The following NTM variants were observed in gnomAD, a reference collection of about 807,000 sequenced individuals.
NTM encodes IgLON family member 2.
NTM carries 13 observed loss-of-function variants against 42.1 expected under a neutral mutation model. The ratio of observed to expected loss-of-function variants is 0.31; its 90% CI spans 0.20 to 0.49. The LOEUF (loss-of-function observed/expected upper bound fraction) is 0.49. NTM is among the 20% of genes least tolerant of loss of function. NTM has a pLI of 0.99. For synonymous variants in NTM, 187 were observed against 179.2 expected, an observed-to-expected ratio of 1.04 and a Z score of -0.35; for missense variants, 373 against 452.8, an observed-to-expected ratio of 0.82 and a Z score of 1.60.
intron 1 of NTM, among the ~76,000 whole-genome samples, chr11:131,763,671 T>C (rs1406745570): frequency 6.7e-6 from 1 of 149,646 alleles, no homozygotes; most frequent in Non-Finnish European, 1.5e-5. Flanking sequence ...CCCAGGCCCA[T>C]GCTGCTCTGC....
chr11:132,126,555 G>A (rs2065875148), intron 2 of NTM, among the ~76,000 whole-genome samples: 1 of 152,186 alleles, frequency 6.6e-6, no homozygotes, highest in African/African-American at 2.4e-5. Context: ...CAGGAGGAGG[G>A]GGAGGAAGCA....
intron 4 of NTM, among the ~76,000 whole-genome samples, chr11:132,234,003 A>C (rs536950913): frequency 6.6e-6 from 1 of 151,912 alleles, no homozygotes; most frequent in African/African-American, 2.4e-5. Flanking sequence ...CTTATTTTCA[A>C]CCTCAGCTAC....
chr11:132,291,873 C>T (rs540139853), intron 4 of NTM, among the ~76,000 whole-genome samples: 3 of 152,070 alleles, frequency 2.0e-5, no homozygotes, highest in Non-Finnish European at 2.9e-5. Context: ...TGGGTAGGTT[C>T]GGTGGAGAGG....
intron 1 of NTM, among the ~76,000 whole-genome samples, chr11:131,812,586 C>T (rs900749730): frequency 6.6e-6 from 1 of 151,850 alleles, no homozygotes; most frequent in Non-Finnish European, 1.5e-5. Flanking sequence ...CTAGGGATGC[C>T]GAGAAGGAAA....
chr11:131,846,685 T>C (rs1254862027), intron 1 of NTM, among the ~76,000 whole-genome samples: 1 of 152,114 alleles, frequency 6.6e-6, no homozygotes, highest in East Asian at 1.9e-4. Context: ...ATAGTACATA[T>C]TCCATGTGTA....
chr11:132,221,985 C>T (rs1164914450), intron 4 of NTM, among the ~76,000 whole-genome samples: 3 of 152,184 alleles, frequency 2.0e-5, no homozygotes, highest in Non-Finnish European at 2.9e-5. Context: ...TTCATCCCAC[C>T]TACCAGCTTG....
At chr11:132,199,434 A>G (rs2080815066) in intron 3 of NTM, among the ~76,000 whole-genome samples, 1 of 152,202 alleles carries the variant, frequency 6.6e-6, no homozygotes. Context: ...TGATGTGCAG[A>G]GATAAATGAA....
intron 1 of NTM, among the ~76,000 whole-genome samples, chr11:131,500,569 ATATATATATTTTTTTTT>A (rs1230099901): frequency 0.043 from 2,510 of 58,068 alleles, 97 homozygotes; most frequent in African/African-American, 0.18. Flanking sequence ...ATATATATAT[ATATATATATTTTTTTTT>A]TTTTTTTTTG....
chr11:131,642,493 A>C (rs2065260173), intron 1 of NTM, among the ~76,000 whole-genome samples: 1 of 152,156 alleles, frequency 6.6e-6, no homozygotes, highest in Non-Finnish European at 1.5e-5. Flanking sequence ...TAAGTTAAAC[A>C]CCCATCTGCT....
At chr11:131,880,395 A>G (rs961070452) in intron 1 of NTM, among the ~76,000 whole-genome samples, 11 of 152,216 alleles carry the variant, frequency 7.2e-5, no homozygotes, top group African/African-American at 2.7e-4. Context: ...CAGGCTATAA[A>G]TACCTTCAAG....
At chr11:131,421,725 G>T (rs915538381) in intron 1 of NTM, among the ~76,000 whole-genome samples, 1 of 152,216 alleles carries the variant, frequency 6.6e-6, no homozygotes. Context: ...AGCAACTGCT[G>T]ACTAACCTAC....
At position 132,303,180 on chromosome 11, in the gene NTM, G is replaced by A. The variant is rs182453770; in HGVS notation, c.527-4509G>A. ...CAAGAGTTAGGAGACAAAAGGGAAT[G>A]TATTAGTGTCCCAGGACTACTGTGA... On this transcript the variant is annotated intron_variant, in intron 4 of 8. Coordinates refer to ENST00000683400, the MANE Select transcript of NTM (RefSeq NM_001352005.2). Among the ~76,000 whole-genome samples the A allele has an allele frequency of 6.0e-4, 92 of 152,368 alleles. 2 individuals are homozygous for A. Among genetic ancestry groups the A allele is most frequent in the Non-Finnish European group, 1.0e-4 (7 of 68,036 alleles).
chr11:131,886,839 G>A (rs75904163), intron 1 of NTM, among the ~76,000 whole-genome samples: 2,487 of 152,338 alleles, frequency 0.016, 76 homozygotes, highest in African/African-American at 0.056. Context: ...GGGCTTGCTG[G>A]TCTTTATCTG....
At chr11:131,488,969 T>C (rs1954481162) in intron 1 of NTM, among the ~76,000 whole-genome samples, 1 of 152,142 alleles carries the variant, frequency 6.6e-6, no homozygotes, top group Non-Finnish European at 1.5e-5. Context: ...AATTCTAAAA[T>C]CCAGGAAGGC....
chr11:131,506,022 T>C (rs1253153481), intron 1 of NTM, among the ~76,000 whole-genome samples: 1 of 152,196 alleles, frequency 6.6e-6, no homozygotes. Context: ...TTGGTGTTTC[T>C]GTCTGATGTC....
intron 1 of NTM, among the ~76,000 whole-genome samples, chr11:131,735,205 T>A (rs192067210): frequency 6.3e-4 from 96 of 152,342 alleles, no homozygotes; most frequent in African/African-American, 2.2e-3. Context: ...ATTTCTCCTC[T>A]GGCTAGATGT....
rs777665250 is a variant in NTM at position 131,876,393 on chromosome 11, ACT to A, written c.83-35166_83-35165del. 5.9e-5 allele frequency among the ~76,000 whole-genome samples: 9 copies of A among 151,920 alleles called. No individual in the cohort carries two copies. The East Asian group carries it at 1.2e-3, about 20-fold the overall frequency. ...TCCACTCATCTCCCACCACATTCAG[ACT>A]CTCTGGCTAGTGGATTATCCATAAC... On this transcript the variant is annotated intron_variant, in intron 1 of 8. Coordinates refer to ENST00000683400, the MANE Select transcript of NTM (RefSeq NM_001352005.2).
chr11:131,412,428 A>G (rs1233164635), intron 1 of NTM, among the ~76,000 whole-genome samples: 1 of 152,206 alleles, frequency 6.6e-6, no homozygotes, highest in Non-Finnish European at 1.5e-5. Context: ...GTTGTTTATC[A>G]TGTGTTTTCA....
Position 132,071,415 on chromosome 11 carries a change from G to A in NTM, c.168-74867G>A, listed in dbSNP as rs988224687. 6.6e-5 allele frequency among the ~76,000 whole-genome samples: 10 copies of A among 152,186 alleles called. No homozygotes were observed. The South Asian group carries it at 1.0e-3, about 16-fold the overall frequency. Reference sequence around the variant, plus strand: ...ACACGTCACACAGCCAAGTTAACACGTCACACTGACCACCACCGTGCTTGC... The same window carrying A: ...ACACGTCACACAGCCAAGTTAACACATCACACTGACCACCACCGTGCTTGC... On this transcript the variant is annotated intron_variant, in intron 2 of 8. Coordinates refer to ENST00000683400, the MANE Select transcript of NTM (RefSeq NM_001352005.2).
Sources: allele counts gnomAD v4.1 joint callset (sites outside exome capture counted in the v4.1 genomes callset), GRCh38; gene constraint gnomAD v4.1.1; transcripts MANE v1.5; gene names NCBI Gene and HGNC (gene_info 2026-07-23, HGNC 2026-07-21).